The following ANKRD30B variants were observed in gnomAD, a reference collection of about 807,000 sequenced individuals.
ANKRD30B encodes the protein ankyrin repeat domain-containing protein 30B.
In ANKRD30B, 144 loss-of-function variants were observed where a neutral mutation model predicts 202.2. The ratio of observed to expected loss-of-function variants is 0.71; its 90% CI spans 0.62 to 0.82. The LOEUF (loss-of-function observed/expected upper bound fraction) is 0.82. Ranked by LOEUF, ANKRD30B falls within the 40% of genes least tolerant of loss-of-function variation. ANKRD30B has a pLI of 0.00. For synonymous variants in ANKRD30B, 508 were observed against 561.3 expected (o/e 0.91, Z 1.34); for missense variants, 1,487 against 1,669.1 (o/e 0.89, Z 1.90).
At chr18:14,826,610 T>A (rs1389892265) in intron 32 of ANKRD30B, among the ~76,000 whole-genome samples, 3 of 151,542 alleles carry the variant, frequency 2.0e-5, no homozygotes, top group Non-Finnish European at 4.4e-5. Flanking sequence ...AGGAAAAGTG[T>A]TGTCTTTTTT....
the ANKRD30B span, among the ~76,000 whole-genome samples, chr18:14,880,365 T>A: frequency 1.7e-4 from 26 of 152,252 alleles, no homozygotes; most frequent in South Asian, 3.3e-3. Flanking sequence ...GCTACATGGC[T>A]TTCTTTTGGT....
chr18:14,866,133 C>A, the ANKRD30B span, among the ~76,000 whole-genome samples: 1 of 152,250 alleles, frequency 6.6e-6, no homozygotes, highest in Non-Finnish European at 1.5e-5. Context: ...AGTCCAGAAA[C>A]CATGTGCGTA....
the ANKRD30B span, among the ~76,000 whole-genome samples, chr18:14,869,985 G>T: frequency 2.6e-5 from 4 of 151,736 alleles, no homozygotes; most frequent in Non-Finnish European, 5.9e-5. Flanking sequence ...ACAGGCACGG[G>T]CCACCACGAC....
chr18:14,878,684 G>A, the ANKRD30B span, among the ~76,000 whole-genome samples: 4 of 152,062 alleles, frequency 2.6e-5, no homozygotes, highest in Non-Finnish European at 5.9e-5. Context: ...TATTAAAATA[G>A]AGGACAAAAG....
downstream of ANKRD30B, among the ~76,000 whole-genome samples, chr18:14,855,914 C>T (rs1430781971): frequency 6.6e-6 from 1 of 151,608 alleles, no homozygotes; most frequent in Non-Finnish European, 1.5e-5. Context: ...CAGAGGCGCT[C>T]CTCACCTCCC....
intron 30 of ANKRD30B, chr18:14,816,037 A>T (rs554405683): frequency 1.3e-5 from 2 of 152,320 alleles, no homozygotes; most frequent in South Asian, 4.1e-4. Flanking sequence ...CTCTCATCCA[A>T]ACTTTTTACC....
At chr18:14,870,039 T>A in the ANKRD30B span, among the ~76,000 whole-genome samples, 1 of 152,160 alleles carries the variant, frequency 6.6e-6, no homozygotes, top group Admixed American at 6.5e-5. Flanking sequence ...TTTCACCATA[T>A]TGATCATGCC....
intron 15 of ANKRD30B, 29 bp from the exon 16 acceptor site, chr18:14,791,372 A>C: frequency 6.5e-7 from 1 of 1,547,320 alleles, no homozygotes; most frequent in Non-Finnish European, 8.8e-7. Context: ...TTTTTCATTG[A>C]AATTATTTAT....
At chr18:14,831,141 T>C (rs114834320) in intron 33 of ANKRD30B, among the ~76,000 whole-genome samples, 2,262 of 131,716 alleles carry the variant, frequency 0.017, 65 homozygotes, top group African/African-American at 0.064. Context: ...AATCGAGCCA[T>C]CTCACTCCAG....
At position 14,784,326 on chromosome 18, in the gene ANKRD30B, T is replaced by C; in HGVS notation, c.1571-10T>C. ...CTTATGATTGATGATAAATCTCTTT[T>C]GCATTTTAGAGCTTCCTGAGAAGCC... On this transcript the variant is annotated splice_polypyrimidine_tract_variant and intron_variant, in intron 12 of 43. Transcript: ENST00000690538. 6.2e-7 allele frequency: 1 copy of C among 1,611,488 alleles called. No homozygotes were observed. The highest frequency in any genetic ancestry group is 8.5e-7 in the Non-Finnish European group (1 of 1,178,458).
chr18:14,811,430 C>G (rs1482171764), intron 28 of ANKRD30B, among the ~76,000 whole-genome samples: 1 of 151,118 alleles, frequency 6.6e-6, no homozygotes, highest in Non-Finnish European at 1.5e-5. Context: ...CCAGGATGGT[C>G]TTGACCTGCT....
intron 37 of ANKRD30B, among the ~76,000 whole-genome samples, chr18:14,841,088 C>A (rs1187706357): frequency 6.6e-6 from 1 of 152,164 alleles, no homozygotes; most frequent in Non-Finnish European, 1.5e-5. Context: ...CAAAATTTGG[C>A]AGAGAATTAC....
chr18:14,761,624 G>T (rs550336232), intron 6 of ANKRD30B, among the ~76,000 whole-genome samples: 6 of 152,220 alleles, frequency 3.9e-5, no homozygotes, highest in Non-Finnish European at 7.3e-5. Context: ...CTTCCAAGGA[G>T]ATTTGTGTCT....
chr18:14,894,878 G>GAA, the ANKRD30B span, among the ~76,000 whole-genome samples: 1 of 133,164 alleles, frequency 7.5e-6, no homozygotes, highest in African/African-American at 2.9e-5. Context: ...ACAACAATAA[G>GAA]AAAAAAACCT....
chr18:14,786,128 C>A (rs1968071754), intron 14 of ANKRD30B, among the ~76,000 whole-genome samples: 1 of 146,178 alleles, frequency 6.8e-6, no homozygotes, highest in Admixed American at 6.8e-5. Flanking sequence ...ATGAAACGGT[C>A]TTTTAACTTT....
the ANKRD30B span, among the ~76,000 whole-genome samples, chr18:14,933,858 A>T: frequency 6.6e-6 from 1 of 152,164 alleles, no homozygotes; most frequent in African/African-American, 2.4e-5. Context: ...TGCCCTTTGT[A>T]CAGGGCTGCT....
In ANKRD30B at chr18:14,784,225, T is replaced by C. The variant is rs1598612724; in HGVS notation, c.1571-111T>C. The C allele has an allele frequency of 6.4e-6, 7 of 1,099,540 alleles. No homozygotes were observed. The East Asian group carries it at 1.7e-4, about 27-fold the overall frequency. The allele number at this position is 1,099,540 out of a possible 1,614,324, so 68.1% of individuals were successfully genotyped here. On this transcript the variant is annotated intron_variant, in intron 12 of 43. Transcript: ENST00000690538. ...AAGAAAACTTCCCAAATCTAAACTATTCATTCTCAAAGTCAACCAAGAGGA... is the reference window on the plus strand; with the variant it reads ...AAGAAAACTTCCCAAATCTAAACTACTCATTCTCAAAGTCAACCAAGAGGA...
chr18:14,764,470 T>G (rs1159055541), intron 7 of ANKRD30B, among the ~76,000 whole-genome samples: 1 of 152,140 alleles, frequency 6.6e-6, no homozygotes, highest in African/African-American at 2.4e-5. Context: ...CTCGGCTCAC[T>G]GCAACCTGCG....
At chr18:14,751,220 G>T (rs565739279) in intron 1 of ANKRD30B, among the ~76,000 whole-genome samples, 1 of 151,948 alleles carries the variant, frequency 6.6e-6, no homozygotes, top group Non-Finnish European at 1.5e-5. Context: ...TTTTAGTGTA[G>T]TTTTATTATT....
Sources: allele counts gnomAD v4.1 joint callset (sites outside exome capture counted in the v4.1 genomes callset), GRCh38; gene constraint gnomAD v4.1.1; transcripts MANE v1.5; gene names NCBI Gene and HGNC (gene_info 2026-07-23, HGNC 2026-07-21).